ZNF644: variants seen among roughly 807,000 people sequenced by gnomAD.
ZNF644 encodes the protein zinc finger motif enhancer binding protein 2.
Under a neutral mutation model 108.0 loss-of-function variants are expected in ZNF644, and 20 were observed. That is an observed-to-expected ratio of 0.19 (90% CI 0.13 to 0.27). The LOEUF (loss-of-function observed/expected upper bound fraction) is 0.27. Among genes scored for constraint, ZNF644 ranks in the 10% least tolerant of loss-of-function variants. The pLI, the probability that ZNF644 is intolerant of heterozygous loss-of-function variation, is 1.00. For missense variants in ZNF644, 1,338 were observed against 1,548.9 expected (o/e 0.86, Z 2.29); for synonymous variants, 542 against 539.1 (o/e 1.01, Z -0.08).
intron 2 of ZNF644, among the ~76,000 whole-genome samples, chr1:90,944,439 T>C (rs1652318741): frequency 6.6e-6 from 1 of 152,160 alleles, no homozygotes. Flanking sequence ...ATTGTTAAAA[T>C]ATAAAATGAA....
intron 1 of ZNF644, among the ~76,000 whole-genome samples, chr1:91,013,502 T>C (rs1022788208): frequency 1.3e-5 from 2 of 149,138 alleles, no homozygotes; most frequent in Non-Finnish European, 3.0e-5. Context: ...CACACACACA[T>C]ATACACACCC....
At chr1:90,968,060 CAAAA>C (rs763728133) in intron 2 of ZNF644, among the ~76,000 whole-genome samples, 19 of 67,244 alleles carry the variant, frequency 2.8e-4, no homozygotes, top group Non-Finnish European at 4.8e-4. Context: ...GACTCCGTCT[CAAAA>C]AAAAAAAAAA....
At chr1:90,987,896 T>A (rs1042391935) in intron 1 of ZNF644, among the ~76,000 whole-genome samples, 1 of 151,666 alleles carries the variant, frequency 6.6e-6, no homozygotes, top group African/African-American at 2.4e-5. Flanking sequence ...AAAATAGAAA[T>A]AGAAGGAAAG....
intron 2 of ZNF644, among the ~76,000 whole-genome samples, chr1:90,978,608 T>C (rs1656237433): frequency 6.6e-6 from 1 of 152,146 alleles, no homozygotes; most frequent in South Asian, 2.1e-4. Context: ...TTTCAAATCC[T>C]TGGATTCGGG....
At chr1:91,012,482 G>GA (rs963920026) in intron 1 of ZNF644, among the ~76,000 whole-genome samples, 9 of 147,358 alleles carry the variant, frequency 6.1e-5, no homozygotes, top group Non-Finnish European at 9.0e-5. Context: ...TGTCTCAAAA[G>GA]AAAAAAAAAG....
chr1:90,919,821 C>T (rs565406304), intron 4 of ZNF644, among the ~76,000 whole-genome samples: 1 of 151,928 alleles, frequency 6.6e-6, no homozygotes, highest in Non-Finnish European at 1.5e-5. Context: ...ATTTAGACAG[C>T]CTATGAATGA....
intron 1 of ZNF644, chr1:91,021,672 C>G (rs1172772363): frequency 7.0e-6 from 1 of 142,774 alleles, no homozygotes; most frequent in African/African-American, 2.7e-5. Flanking sequence ...CGCCCCGCGG[C>G]GGCGGCCGCC....
At chr1:90,925,719 C>G (rs1218136043) in intron 4 of ZNF644, among the ~76,000 whole-genome samples, 1 of 151,904 alleles carries the variant, frequency 6.6e-6, no homozygotes, top group Non-Finnish European at 1.5e-5. Context: ...GATCACCTTC[C>G]TTATGAAACC....
chr1:90,970,874 C>T (rs887739023), intron 2 of ZNF644, among the ~76,000 whole-genome samples: 4 of 151,904 alleles, frequency 2.6e-5, no homozygotes, highest in Non-Finnish European at 4.4e-5. Context: ...GTGGCACATG[C>T]CTGTAGTTCC....
At chr1:91,009,601 T>C (rs1659751539) in intron 1 of ZNF644, among the ~76,000 whole-genome samples, 1 of 152,182 alleles carries the variant, frequency 6.6e-6, no homozygotes, top group Admixed American at 6.5e-5. Flanking sequence ...CCAGCTCCAA[T>C]ACAAATTATA....
At chr1:90,990,202 T>C (rs1043147939) in intron 1 of ZNF644, among the ~76,000 whole-genome samples, 1 of 152,298 alleles carries the variant, frequency 6.6e-6, no homozygotes, top group Non-Finnish European at 1.5e-5. Flanking sequence ...GTTTCTCTTT[T>C]CCAAAGTGAA....
chr1:90,927,928 C>T (rs1049861325), intron 4 of ZNF644, among the ~76,000 whole-genome samples: 2 of 151,592 alleles, frequency 1.3e-5, no homozygotes, highest in Non-Finnish European at 2.9e-5. Context: ...ACTGCAATCT[C>T]CACCTCTCAG....
chr1:90,972,869 A>C (rs558814126), intron 2 of ZNF644: 1 of 152,346 alleles, frequency 6.6e-6, no homozygotes, highest in East Asian at 1.9e-4. Context: ...ACAAAAAGAC[A>C]AACACTATAT....
At chr1:90,991,435 T>G (rs1255736896) in intron 1 of ZNF644, among the ~76,000 whole-genome samples, 2 of 152,208 alleles carry the variant, frequency 1.3e-5, no homozygotes, top group African/African-American at 4.8e-5. Context: ...TCCTAGGTAT[T>G]TGTCCAAACA....
chr1:91,012,841 T>TAA (rs76724585), intron 1 of ZNF644, among the ~76,000 whole-genome samples: 6 of 151,554 alleles, frequency 4.0e-5, no homozygotes, highest in East Asian at 1.9e-4. Flanking sequence ...ATGTTATACC[T>TAA]AAAAAAAATA....
intron 1 of ZNF644, among the ~76,000 whole-genome samples, chr1:90,983,098 T>C (rs377293351): frequency 1.2e-4 from 19 of 152,242 alleles, no homozygotes; most frequent in Middle Eastern, 3.4e-3. Context: ...CTCCTCCCCA[T>C]ACCTGAAACT....
At chr1:91,012,990 G>T (rs1467225314) in intron 1 of ZNF644, among the ~76,000 whole-genome samples, 1 of 151,974 alleles carries the variant, frequency 6.6e-6, no homozygotes, top group Non-Finnish European at 1.5e-5. Flanking sequence ...TTTGAAGATC[G>T]ACTAGGCTTT....
chr1:90,997,907 C>T (rs116796214), intron 1 of ZNF644, among the ~76,000 whole-genome samples: 1,821 of 152,338 alleles, frequency 0.012, 39 homozygotes, highest in African/African-American at 0.042. Context: ...ATATCCCTCG[C>T]GTGGCTTGGA....
chr1:90,996,145 G>A (rs1280121454), intron 1 of ZNF644, among the ~76,000 whole-genome samples: 5 of 151,972 alleles, frequency 3.3e-5, no homozygotes, highest in South Asian at 2.1e-4. Flanking sequence ...AAATCACTAC[G>A]AGATAACCCT....
Sources: gnomAD v4.1 joint callset for allele counts (sites outside exome capture counted in the v4.1 genomes callset) on GRCh38, gnomAD v4.1.1 for gene constraint, MANE v1.5 for transcripts, NCBI Gene and HGNC (gene_info 2026-07-23, HGNC 2026-07-21) for gene names.